Variants in DCUN1D2 observed in about 807,000 individuals in gnomAD.
The protein encoded by DCUN1D2 is defective in cullin neddylation 1 domain containing 2, also known as DCN1-like protein 2.
In DCUN1D2, 29 loss-of-function variants were observed where a neutral mutation model predicts 30.9. The ratio of observed to expected loss-of-function variants is 0.94; its 90% CI spans 0.70 to 1.28. The LOEUF (loss-of-function observed/expected upper bound fraction) is 1.28, where lower values mean the gene tolerates loss of function less well. Among genes scored for constraint, DCUN1D2 ranks in the 50% most tolerant of loss-of-function variants. DCUN1D2 has a pLI of 0.00. For missense variants in DCUN1D2, 325 were observed against 316.9 expected (o/e 1.03, Z -0.19); for synonymous variants, 121 against 115.3 (o/e 1.05, Z -0.32).
intron 5 of DCUN1D2, among the ~76,000 whole-genome samples, chr13:113,460,132 A>C (rs527341569): frequency 3.7e-4 from 57 of 152,360 alleles, no homozygotes; most frequent in African/African-American, 1.3e-3. Context: ...CACATGATGT[A>C]ATGAAACACA....
chr13:113,483,987 T>TTCTC lies in DCUN1D2; in HGVS notation c.69_72dup (p.Thr25GlufsTer11). On this transcript the variant is annotated frameshift_variant, in exon 2 of 7. Transcript: ENST00000478244. LOFTEE classifies it high-confidence loss of function. ...TTCTGCGTTAAGCAGTAGATAGCAG[T>TTCTC]TCTCTCGCCAGCCTGAGTGCACGCC... 4.3e-6 allele frequency: 7 copies of TTCTC among 1,614,206 alleles called. No individual in the cohort carries two copies. The highest frequency in any genetic ancestry group is 5.9e-6 in the Non-Finnish European group (7 of 1,180,044).
chr13:113,489,178 A>G, intron 1 of DCUN1D2: 2 of 984,110 alleles, frequency 2.0e-6, no homozygotes, highest in Non-Finnish European at 2.4e-6. Context: ...AGCACGCTAG[A>G]GGGAGGGGGA....
intron 4 of DCUN1D2, among the ~76,000 whole-genome samples, chr13:113,472,988 C>A (rs1317953488): frequency 6.8e-6 from 1 of 146,762 alleles, no homozygotes; most frequent in East Asian, 2.1e-4. Context: ...TCTGTCCCCC[C>A]GTGCCTCTGT....
intron 1 of DCUN1D2, among the ~76,000 whole-genome samples, chr13:113,484,501 C>A (rs545825079): frequency 1.3e-5 from 2 of 152,128 alleles, no homozygotes; most frequent in African/African-American, 4.8e-5. Flanking sequence ...TTTTTTTTCC[C>A]ACTTTAAATC....
chr13:113,489,955 G>A (rs1350748407), intron 1 of DCUN1D2, among the ~76,000 whole-genome samples: 3 of 152,096 alleles, frequency 2.0e-5, no homozygotes, highest in African/African-American at 7.2e-5. Context: ...TCAACGCCAA[G>A]ATCATGCCTG....
At chr13:113,462,860 T>A in intron 4 of DCUN1D2, 1 of 1,265,154 alleles carries the variant, frequency 7.9e-7, no homozygotes, top group Non-Finnish European at 1.0e-6. Context: ...CTTAATGATG[T>A]AAAGCTTTCA....
At chr13:113,487,021 CATT>C (rs1684599486) in intron 1 of DCUN1D2, among the ~76,000 whole-genome samples, 1 of 152,198 alleles carries the variant, frequency 6.6e-6, no homozygotes, top group South Asian at 2.1e-4. Flanking sequence ...ATATTCACTA[CATT>C]ATTTCCTGAA....
chr13:113,458,885 TC>T (rs975082567), intron 6 of DCUN1D2, among the ~76,000 whole-genome samples: 1 of 152,072 alleles, frequency 6.6e-6, no homozygotes, highest in Non-Finnish European at 1.5e-5. Flanking sequence ...CCAAAGGCCC[TC>T]CAACGCAGAG....
At position 113,455,934 on chromosome 13, in the gene DCUN1D2, T is replaced by A; in HGVS notation, c.*2095A>T. On this transcript the variant is annotated 3_prime_UTR_variant, in exon 7 of 7. Transcript: ENST00000478244. ...TTTTGGAAAAGCCTTTGTCCAATGA[T>A]TAATATTTTGATATCTATTGACAAT... 2 of 321,036 alleles carry A rather than the reference T, an allele frequency of 6.2e-6. No homozygotes were observed. The highest frequency in any genetic ancestry group is 5.6e-6 in the Non-Finnish European group (1 of 178,716). The allele number at this position is 321,036 out of a possible 1,614,324, so 19.9% of individuals were successfully genotyped here. A position where few individuals can be genotyped will look rare whatever the true frequency, so the allele number is the denominator to read the frequency against.
chr13:113,482,770 C>T (rs1405659039), intron 2 of DCUN1D2, among the ~76,000 whole-genome samples: 1 of 152,144 alleles, frequency 6.6e-6, no homozygotes, highest in Non-Finnish European at 1.5e-5. Context: ...TGGTGAAACC[C>T]CGTCTCTACT....
intron 3 of DCUN1D2, chr13:113,480,322 C>A: frequency 6.4e-6 from 2 of 314,164 alleles, no homozygotes; most frequent in African/African-American, 2.2e-5. Context: ...GGAAAAAACT[C>A]AAAAAGAAGA....
rs372777521 is a variant in DCUN1D2 at position 113,478,167 on chromosome 13, C to T, written c.389+2408G>A. ...GTTTGGTAGGATGTGCCAATTAAGT[C>T]ATCCCAAACAGGAGTTGTCTCTTTG... is the stretch of plus-strand genomic sequence containing the variant. On this transcript the variant is annotated intron_variant, in intron 3 of 6. Coordinates refer to ENST00000478244, the MANE Select transcript of DCUN1D2 (RefSeq NM_001014283.2). Among the ~76,000 whole-genome samples the T allele has an allele frequency of 3.9e-5, 6 of 152,310 alleles. No individual in the cohort carries two copies. In the East Asian group the frequency reaches 9.6e-4, roughly 24 times the overall value.
chr13:113,490,744 G>A, upstream of DCUN1D2: 2 of 1,156,318 alleles, frequency 1.7e-6, no homozygotes, highest in East Asian at 4.2e-5. This position sits in a 1 kb window ranked among gnomAD's most constrained non-coding sequence, Gnocchi z 5.2. Context: ...CCTCGTCCTC[G>A]GACGGCCGCG....
chr13:113,479,608 A>G (rs1012991051), intron 3 of DCUN1D2, among the ~76,000 whole-genome samples: 7 of 152,156 alleles, frequency 4.6e-5, no homozygotes, highest in Admixed American at 3.9e-4. Flanking sequence ...TAAAAATACA[A>G]AAATTAGCCG....
At chr13:113,465,499 T>TAAA (rs1348789557) in intron 4 of DCUN1D2, among the ~76,000 whole-genome samples, 1 of 131,860 alleles carries the variant, frequency 7.6e-6, no homozygotes, top group African/African-American at 2.8e-5. Flanking sequence ...CAGAGAGAAG[T>TAAA]AAAAAAAAAA....
At position 113,485,077 on chromosome 13, in the gene DCUN1D2, CAATAAATAAATAAATA is replaced by C. The variant is rs58781524; in HGVS notation, c.4-1037_4-1022del. 3.7e-3 allele frequency among the ~76,000 whole-genome samples: 554 copies of C among 148,582 alleles called. 1 individual carries two copies. The highest frequency in any genetic ancestry group is 6.7e-3 in the Admixed American group (99 of 14,880). On this transcript the variant is annotated intron_variant, in intron 1 of 6. Transcript: ENST00000478244. ...TGGGCGACAGGGCGAGACTCTATCT[CAATAAATAAATAAATA>C]AATAAATAAATAAATAAAGTAACCT...
intron 2 of DCUN1D2, 57 bp downstream of exon 2, chr13:113,483,783 G>C: frequency 1.3e-6 from 2 of 1,552,378 alleles, no homozygotes; most frequent in African/African-American, 2.7e-5. Flanking sequence ...GAAGTGCAGC[G>C]CGCAGGCCGC....
chr13:113,485,655 G>GT lies in DCUN1D2; in HGVS notation c.4-1600dup, dbSNP rs112235345. ...CGTACAGCAGAGCCAGCTTCCAGAA[G>GT]TTTTTTTTTTTTTGAGACAGGCAAT... On this transcript the variant is annotated intron_variant, in intron 1 of 6. Transcript: ENST00000478244. 4.9e-3 allele frequency among the ~76,000 whole-genome samples: 718 copies of GT among 145,054 alleles called. 3 individuals are homozygous for GT. The highest frequency in any genetic ancestry group is 7.1e-3 in the Middle Eastern group (2 of 280).
At chr13:113,481,976 C>A (rs1333011551) in intron 2 of DCUN1D2, among the ~76,000 whole-genome samples, 1 of 152,064 alleles carries the variant, frequency 6.6e-6, no homozygotes, top group African/African-American at 2.4e-5. Context: ...GTTTATGGGA[C>A]AGAGGTTCTG....
Sources: gnomAD v4.1 joint callset for allele counts (sites outside exome capture counted in the v4.1 genomes callset) on GRCh38, gnomAD v4.1.1 for gene constraint, Gnocchi (gnomAD v3.1) non-coding constraint, MANE v1.5 for transcripts, NCBI Gene and HGNC (gene_info 2026-07-23, HGNC 2026-07-21) for gene names.